The following ADAMTS18 variants were observed in gnomAD, a reference collection of about 807,000 sequenced individuals.
ADAMTS18 encodes the protein ADAM metallopeptidase with thrombospondin type 1 motif 18.
Under a neutral mutation model 165.9 loss-of-function variants are expected in ADAMTS18, and 157 were observed. The ratio of observed to expected loss-of-function variants is 0.95; its 90% CI spans 0.83 to 1.08. The LOEUF (loss-of-function observed/expected upper bound fraction) is 1.08, where lower values mean the gene tolerates loss of function less well. Among genes scored for constraint, ADAMTS18 ranks in the 50% least tolerant of loss-of-function variants. ADAMTS18 has a pLI of 0.00. For missense variants in ADAMTS18, 2,040 were observed against 1,534.0 expected (o/e 1.33, Z -5.51); for synonymous variants, 782 against 578.2 (o/e 1.35, Z -5.06).
intron 3 of ADAMTS18, among the ~76,000 whole-genome samples, chr16:77,373,989 A>G (rs1012571334): frequency 6.6e-6 from 1 of 152,068 alleles, no homozygotes. Context: ...GAGGCCAAGG[A>G]GTGCAGATCA....
chr16:77,426,916 A>T (rs1196659569), intron 3 of ADAMTS18, among the ~76,000 whole-genome samples: 1 of 152,096 alleles, frequency 6.6e-6, no homozygotes, highest in Non-Finnish European at 1.5e-5. Context: ...TGGGGGGCTG[A>T]GTTGGGAGTA....
At chr16:77,324,705 C>T (rs892276239) in intron 13 of ADAMTS18, among the ~76,000 whole-genome samples, 1 of 152,168 alleles carries the variant, frequency 6.6e-6, no homozygotes, top group Admixed American at 6.5e-5. Context: ...TCTGAGGAGA[C>T]AATATGGCTA....
At chr16:77,346,499 C>A (rs1007358006) in intron 10 of ADAMTS18, among the ~76,000 whole-genome samples, 1 of 152,018 alleles carries the variant, frequency 6.6e-6, no homozygotes, top group African/African-American at 2.4e-5. Flanking sequence ...AAGAACCTGG[C>A]AAACAGTATA....
chr16:77,296,841 A>T (rs1023891375), intron 18 of ADAMTS18, among the ~76,000 whole-genome samples: 1 of 152,186 alleles, frequency 6.6e-6, no homozygotes, highest in African/African-American at 2.4e-5. Context: ...CCAAAAAAAA[A>T]GAGGTCTTCA....
At chr16:77,395,286 G>C (rs1245492106) in intron 3 of ADAMTS18, among the ~76,000 whole-genome samples, 1 of 152,172 alleles carries the variant, frequency 6.6e-6, no homozygotes, top group African/African-American at 2.4e-5. Context: ...TGGAAAACCA[G>C]TAAGGTCCTT....
At chr16:77,395,415 C>A (rs1000374445) in intron 3 of ADAMTS18, among the ~76,000 whole-genome samples, 1 of 152,184 alleles carries the variant, frequency 6.6e-6, no homozygotes, top group African/African-American at 2.4e-5. Flanking sequence ...ACTTCTTCCT[C>A]CTACAGAGCA....
intron 17 of ADAMTS18, among the ~76,000 whole-genome samples, chr16:77,299,827 G>A (rs565770015): frequency 2.6e-5 from 4 of 152,274 alleles, no homozygotes; most frequent in South Asian, 2.1e-4. Context: ...GTTTCAGATA[G>A]ACATCTTAAG....
intron 22 of ADAMTS18, among the ~76,000 whole-genome samples, chr16:77,288,945 C>G (rs2055308332): frequency 6.6e-6 from 1 of 152,076 alleles, no homozygotes. Context: ...ATTAGCCAGG[C>G]GTGGTGGTGC....
chr16:77,434,545 C>A, intron 1 of ADAMTS18, 40 bp from the exon 2 acceptor site: 1 of 1,534,532 alleles, frequency 6.5e-7, no homozygotes, highest in Non-Finnish European at 8.7e-7. Flanking sequence ...AGGGGCGCGG[C>A]GGGGCTGGCG....
intron 6 of ADAMTS18, 46 bp downstream of exon 6, chr16:77,363,756 C>T: frequency 6.4e-7 from 1 of 1,563,716 alleles, no homozygotes; most frequent in Non-Finnish European, 8.8e-7. Flanking sequence ...GAAATGTATT[C>T]TGAACGGCAG....
At chr16:77,426,109 C>G (rs2057668885) in intron 3 of ADAMTS18, among the ~76,000 whole-genome samples, 1 of 151,974 alleles carries the variant, frequency 6.6e-6, no homozygotes, top group South Asian at 2.1e-4. Context: ...GAAATCCTAC[C>G]TCTTGGCACT....
chr16:77,292,669 T>C (rs1016421322), intron 20 of ADAMTS18, among the ~76,000 whole-genome samples: 1 of 152,196 alleles, frequency 6.6e-6, no homozygotes, highest in African/African-American at 2.4e-5. Context: ...GACATAGGCT[T>C]GATCAATGTG....
intron 3 of ADAMTS18, among the ~76,000 whole-genome samples, chr16:77,429,828 C>A (rs946793379): frequency 6.6e-5 from 10 of 152,174 alleles, no homozygotes; most frequent in Admixed American, 2.0e-4. Flanking sequence ...ACTGCTATGG[C>A]ACTTTCCACA....
At chr16:77,400,458 G>GTGTGTGTGTC (rs2057312850) in intron 3 of ADAMTS18, among the ~76,000 whole-genome samples, 15 of 46,474 alleles carry the variant, frequency 3.2e-4, no homozygotes, top group African/African-American at 6.9e-4. Context: ...GTGTGTGTCT[G>GTGTGTGTGTC]TGTGTGTGTG....
intron 12 of ADAMTS18, 96 bp from the exon 13 acceptor site, chr16:77,326,134 T>G: frequency 1.7e-6 from 2 of 1,202,710 alleles, no homozygotes; most frequent in Non-Finnish European, 1.2e-6. Flanking sequence ...AGATGAGCAC[T>G]GCCACAGTGT....
intron 16 of ADAMTS18, among the ~76,000 whole-genome samples, chr16:77,300,788 T>C (rs1447611323): frequency 6.6e-6 from 1 of 152,158 alleles, no homozygotes; most frequent in Non-Finnish European, 1.5e-5. Flanking sequence ...TGAACACACA[T>C]AGTCGTACCC....
chr16:77,416,432 C>A (rs1027396441), intron 3 of ADAMTS18, among the ~76,000 whole-genome samples: 1 of 152,134 alleles, frequency 6.6e-6, no homozygotes, highest in African/African-American at 2.4e-5. Flanking sequence ...AAGGGCAGGG[C>A]CAGGTGGAGA....
At position 77,434,500 on chromosome 16, in the gene ADAMTS18, G is replaced by C. The variant is rs544164923; in HGVS notation, c.96C>G (p.Leu32=). 2 of 1,560,164 alleles carry C rather than the reference G, an allele frequency of 1.3e-6. No individual in the cohort carries two copies. The highest frequency in any genetic ancestry group is 1.7e-6 in the Non-Finnish European group (2 of 1,156,822). The change falls in exon 2 of 23, where the codon CTC becomes CTG. Residue 32 remains leucine (L), a synonymous_variant. Transcript: ENST00000282849. ...LAGLGRVAKA[L]QLCCLCCASV... is the part of the protein sequence containing the mutation. ...ACGCACAGCAGAGGCAGCACAGCTG[G>C]AGCGCCTGCAAGAGAAAAGGTGACA...
At chr16:77,318,552 T>C (rs891692877) in intron 16 of ADAMTS18, among the ~76,000 whole-genome samples, 1 of 152,176 alleles carries the variant, frequency 6.6e-6, no homozygotes, top group Non-Finnish European at 1.5e-5. Context: ...ATGAAACTGA[T>C]CACAGAATGC....
Sources: gnomAD v4.1 joint callset for allele counts (sites outside exome capture counted in the v4.1 genomes callset) on GRCh38, gnomAD v4.1.1 for gene constraint, MANE v1.5 for transcripts, NCBI Gene and HGNC (gene_info 2026-07-23, HGNC 2026-07-21) for gene names.